The following PPBP variants were observed in gnomAD, a reference collection of about 807,000 sequenced individuals.
PPBP encodes pro-platelet basic protein.
In PPBP, 8 loss-of-function variants were observed where a neutral mutation model predicts 8.3. That is an observed-to-expected ratio of 0.97 (90% confidence interval 0.57 to 1.75). PPBP has a LOEUF of 1.75. PPBP is among the 40% of genes most tolerant of loss of function. The pLI is 0.00. For missense variants in PPBP, 169 were observed against 149.2 expected (o/e 1.13, Z -0.69); for synonymous variants, 64 against 58.9 (o/e 1.09, Z -0.40).
At chr4:73,987,460 G>A in intron 2 of PPBP, 57 bp downstream of exon 2, 2 of 1,609,244 alleles carry the variant, frequency 1.2e-6, no homozygotes, top group Non-Finnish European at 1.7e-6. Flanking sequence ...GAGTGCATAT[G>A]TGGATGGAGG....
chr4:73,987,464 A>G lies in PPBP; in HGVS notation c.284+53T>C. Reference sequence around the variant, plus strand: ...CTGGAGGAAACGAGTGCATATGTGGATGGAGGTAGAGGGTTTCTCTGATAA... The same window carrying G: ...CTGGAGGAAACGAGTGCATATGTGGGTGGAGGTAGAGGGTTTCTCTGATAA... On this transcript the variant is annotated intron_variant, in intron 2 of 2. Transcript: ENST00000296028. The G allele has an allele frequency of 2.5e-6, 4 of 1,609,780 alleles. No homozygotes were observed. The South Asian group carries it at 4.4e-5, about 18-fold the overall frequency.
rs928205232 is a variant in PPBP, at chr4:73,987,740, A to T, written c.149-88T>A. The T allele has an allele frequency of 3.3e-6, 5 of 1,509,394 alleles. No homozygotes were observed. In the African/African-American group the frequency reaches 5.5e-5, roughly 17 times the overall value. The allele number at this position is 1,509,394 out of a possible 1,614,324, so 93.5% of individuals were successfully genotyped here. A position where few individuals can be genotyped will look rare whatever the true frequency, so the allele number is the denominator to read the frequency against. On this transcript the variant is annotated intron_variant, in intron 1 of 2. Transcript: ENST00000296028. ...GATTGAGGGCAATTGTACCTCTCTCATAAAGCCATTGTGAATATGATCTGT... is the reference window on the plus strand; with the variant it reads ...GATTGAGGGCAATTGTACCTCTCTCTTAAAGCCATTGTGAATATGATCTGT...
rs892552147 is a variant in PPBP at position 73,987,765 on chromosome 4, T to C, written c.149-113A>G. On this transcript the variant is annotated intron_variant, in intron 1 of 2. Transcript: ENST00000296028. ...ATAAAGCCATTGTGAATATGATCTG[T>C]AACGCTTTAGTAAAGTGCCCAGAAG... 8.2e-6 allele frequency: 12 copies of C among 1,461,828 alleles called. No homozygotes were observed. In the South Asian group the frequency reaches 1.2e-4, roughly 15 times the overall value. 90.6% of individuals were successfully genotyped at this position (1,461,828 alleles called of 1,614,324 possible). A position where few individuals can be genotyped will look rare whatever the true frequency, so the allele number is the denominator to read the frequency against.
chr4:73,987,753 G>A (rs1363281028), intron 1 of PPBP, 101 bp from the exon 2 acceptor site: 6 of 1,479,034 alleles, frequency 4.1e-6, no homozygotes, highest in Non-Finnish European at 5.6e-6. Context: ...AAGCCATTGT[G>A]AATATGATCT....
rs1266820628 is a variant in PPBP, at chr4:73,987,332, A to C, written c.327T>G (p.Asp109Glu). 6.2e-7 allele frequency: 1 copy of C among 1,614,098 alleles called. No homozygotes were observed. The highest frequency in any genetic ancestry group is 8.5e-7 in the Non-Finnish European group (1 of 1,179,952). ...KDGRKICLDP[D>E]APRIKKIVQK... ...GTACAATTTTCTTGATTCTGGGAGCATCTGGGTCCAGGCAGATTTTCCTCC... is the reference window on the plus strand; with the variant it reads ...GTACAATTTTCTTGATTCTGGGAGCCTCTGGGTCCAGGCAGATTTTCCTCC... Residue 109 changes from aspartate to glutamate, a missense_variant, in exon 3 of 3, where the codon GAT becomes GAG. By Grantham distance (45) the Asp-to-Glu change is conservative. Transcript: ENST00000296028.
chr4:73,988,047 G>T lies in PPBP; in HGVS notation c.57C>A (p.Ala19=), dbSNP rs1355919104. ...PSCNSARPLH[A]LQVLLLLSLL... ...ATGACAGAAGCAGCAGCACCTGCAA[G>T]GCATGAAGTGGTCTCGCACTGTTAC... The change falls in exon 1 of 3, where the codon GCC becomes GCA. Residue 19 remains alanine (A), a synonymous_variant. Transcript: ENST00000296028. The T allele has an allele frequency of 6.2e-7, 1 of 1,614,036 alleles. No homozygotes were observed. Among genetic ancestry groups the T allele is most frequent in the African/African-American group, 1.3e-5 (1 of 75,044 alleles).
In PPBP at chr4:73,987,196, G is replaced by T; in HGVS notation, c.*76C>A. 1 of 1,281,762 alleles carries T rather than the reference G, an allele frequency of 7.8e-7. No homozygotes were observed. The highest frequency in any genetic ancestry group is 1.1e-6 in the Non-Finnish European group (1 of 888,812). 79.4% of individuals were successfully genotyped at this position (1,281,762 alleles called of 1,614,324 possible). A position where few individuals can be genotyped will look rare whatever the true frequency, so the allele number is the denominator to read the frequency against. On this transcript the variant is annotated 3_prime_UTR_variant, in exon 3 of 3. Coordinates refer to ENST00000296028, the MANE Select transcript of PPBP (RefSeq NM_002704.3). The stretch of plus-strand genomic sequence containing the variant: ...GTAAGAATAGGTATCCTGAATAAAT[G>T]AGAACTCTAGAAAATCAAGGTTTCA...
rs1719001239 is a variant in PPBP, at chr4:73,987,637, C to T, written c.164G>A (p.Ser55Asn). The change falls in exon 2 of 3, where the codon AGT becomes AAT. Residue 55 changes from serine to asparagine, a missense_variant. By Grantham distance (46) the Ser-to-Asn change is conservative. Coordinates refer to ENST00000296028, the MANE Select transcript of PPBP (RefSeq NM_002704.3). ...GCAGCGGAGTTCAGCATACAAGTCA[C>T]TGTCTAGACTTTCCTCTAGGGTAGA... ...LAKGKEESLD[S>N]DLYAELRCMC... is the part of the protein sequence containing the mutation. 1 of 1,611,190 alleles carries T rather than the reference C, an allele frequency of 6.2e-7. No individual in the cohort carries two copies. Among genetic ancestry groups the T allele is most frequent in the East Asian group, 2.2e-5 (1 of 44,760 alleles).
Position 73,987,519 on chromosome 4 carries a change from CACTTCG to C in PPBP, c.276_281del (p.Glu93_Val94del). 1 of 1,613,558 alleles carries C rather than the reference CACTTCG, an allele frequency of 6.2e-7. No individual in the cohort carries two copies. Among genetic ancestry groups the C allele is most frequent in the Middle Eastern group, 1.6e-4 (1 of 6,062 alleles). On this transcript the variant is annotated inframe_deletion, in exon 2 of 3. Coordinates refer to ENST00000296028, the MANE Select transcript of PPBP (RefSeq NM_002704.3). ...ATAGCACAGAAACAGCAACTTACAT[CACTTCG>C]ACTTGGTTGCAATGGGTTCCTTTCC...
chr4:73,987,692 T>A (rs373328329), intron 1 of PPBP, 40 bp from the exon 2 acceptor site: 14 of 1,596,430 alleles, frequency 8.8e-6, no homozygotes, highest in Middle Eastern at 1.7e-4. Flanking sequence ...TCATGAATAT[T>A]TTCCTCAGGT....
At position 73,986,539 on chromosome 4, in the gene PPBP, A is replaced by C. The variant is rs1718973389; in HGVS notation, c.*733T>G. Among the ~76,000 whole-genome samples the C allele has an allele frequency of 6.6e-6, 1 of 152,106 alleles. No homozygotes were observed. The highest frequency in any genetic ancestry group is 1.5e-5 in the Non-Finnish European group (1 of 67,978). On this transcript the variant is annotated 3_prime_UTR_variant, in exon 3 of 3. Coordinates refer to ENST00000296028, the MANE Select transcript of PPBP (RefSeq NM_002704.3). ...GAATGAAAGTTCTGTTGATGAAAAA[A>C]GTAGAATTTAGAATTAGGAGTCTAG...
chr4:73,987,733 C>T, intron 1 of PPBP, 81 bp from the exon 2 acceptor site: 1 of 1,524,638 alleles, frequency 6.6e-7, no homozygotes, highest in South Asian at 1.2e-5. Context: ...GCAATTGTAC[C>T]TCTCTCATAA....
rs1171866172 is a variant in PPBP at position 73,986,882 on chromosome 4, G to A, written c.*390C>T. ...AAAATGTATTGAGCAAATATTCTCT[G>A]TTGGGCTCCATGTAATTCCTATTAT... On this transcript the variant is annotated 3_prime_UTR_variant, in exon 3 of 3. Coordinates refer to ENST00000296028, the MANE Select transcript of PPBP (RefSeq NM_002704.3). Among the ~76,000 whole-genome samples the A allele has an allele frequency of 6.6e-6, 1 of 152,142 alleles. No individual in the cohort carries two copies. The highest frequency in any genetic ancestry group is 1.5e-5 in the Non-Finnish European group (1 of 68,018).
chr4:73,987,431 C>A, intron 2 of PPBP, 57 bp from the exon 3 acceptor site: 10 of 1,606,904 alleles, frequency 6.2e-6, no homozygotes, highest in South Asian at 1.1e-5. Flanking sequence ...CAGAACTAAT[C>A]CATGAGACTG....
Position 73,987,630 on chromosome 4 carries a change from C to A in PPBP, c.171G>T (p.Leu57Phe). ...TACACATGCAGCGGAGTTCAGCATA[C>A]AAGTCACTGTCTAGACTTTCCTCTA... ...KGKEESLDSD[L>F]YAELRCMCIK... The change falls in exon 2 of 3, where the codon TTG (leucine) becomes TTT (phenylalanine). Residue 57 changes from leucine to phenylalanine, a missense_variant. By Grantham distance (22) the Leu-to-Phe change is conservative. Transcript: ENST00000296028. 6.2e-7 allele frequency: 1 copy of A among 1,613,594 alleles called. No homozygotes were observed. Among genetic ancestry groups the A allele is most frequent in the Non-Finnish European group, 8.5e-7 (1 of 1,179,540 alleles).
At position 73,986,746 on chromosome 4, in the gene PPBP, T is replaced by C. The variant is rs1351633911; in HGVS notation, c.*526A>G. Among the ~76,000 whole-genome samples the C allele has an allele frequency of 2.0e-5, 3 of 152,204 alleles. No individual in the cohort carries two copies. Among genetic ancestry groups the C allele is most frequent in the Admixed American group, 6.5e-5 (1 of 15,274 alleles). On this transcript the variant is annotated 3_prime_UTR_variant, in exon 3 of 3. Transcript: ENST00000296028. ...CATATTCACCAATTTATTATTTTAG[T>C]GTTTGATGGCTAAAATAAACATCAG...
In PPBP at chr4:73,988,033, A is replaced by G. The variant is rs201872789; in HGVS notation, c.71T>C (p.Leu24Pro). The G allele has an allele frequency of 1.9e-6, 3 of 1,614,096 alleles. No individual in the cohort carries two copies. The highest frequency in any genetic ancestry group is 1.1e-5 in the South Asian group (1 of 91,082). The stretch of plus-strand genomic sequence containing the variant: ...AGCAGTCAGCAGCAATGACAGAAGC[A>G]GCAGCACCTGCAAGGCATGAAGTGG... ...ARPLHALQVLLLLSLLLTALA... is the reference protein window; with the variant it reads ...ARPLHALQVLPLLSLLLTALA... Residue 24 changes from leucine (L) to proline (P), a missense_variant, in exon 1 of 3, where the codon CTG becomes CCG. Physicochemically the swap from Leu to Pro is moderately conservative, Grantham distance 98. Transcript: ENST00000296028.
rs550662588 is a variant in PPBP, at chr4:73,986,442, A to G, written c.*830T>C. On this transcript the variant is annotated 3_prime_UTR_variant, in exon 3 of 3. Coordinates refer to ENST00000296028, the MANE Select transcript of PPBP (RefSeq NM_002704.3). Reference sequence around the variant, plus strand: ...ATTAATAATAGATGACAACAAGTCAATAGCAAATTTTTATTTCATGTGAAT... The same window carrying G: ...ATTAATAATAGATGACAACAAGTCAGTAGCAAATTTTTATTTCATGTGAAT... Among the ~76,000 whole-genome samples the G allele has an allele frequency of 2.0e-5, 3 of 152,286 alleles. No individual in the cohort carries two copies. Among genetic ancestry groups the G allele is most frequent in the African/African-American group, 7.2e-5 (3 of 41,570 alleles).
At position 73,987,212 on chromosome 4, in the gene PPBP, C is replaced by A; in HGVS notation, c.*60G>T. The stretch of plus-strand genomic sequence containing the variant: ...TGAATAAATGAGAACTCTAGAAAAT[C>A]AAGGTTTCAAAATTCTACCCTTCCT... On this transcript the variant is annotated 3_prime_UTR_variant, in exon 3 of 3. Transcript: ENST00000296028. The A allele has an allele frequency of 1.4e-6, 2 of 1,416,908 alleles. No homozygotes were observed. The highest frequency in any genetic ancestry group is 1.2e-5 in the South Asian group (1 of 85,688). The allele number at this position is 1,416,908 out of a possible 1,614,324, so 87.8% of individuals were successfully genotyped here. A position where few individuals can be genotyped will look rare whatever the true frequency, so the allele number is the denominator to read the frequency against.
Sources: allele counts gnomAD v4.1 joint callset (sites outside exome capture counted in the v4.1 genomes callset), GRCh38; gene constraint gnomAD v4.1.1; transcripts MANE v1.5; gene names NCBI Gene and HGNC (gene_info 2026-07-23, HGNC 2026-07-21).